RAB19: variants seen among roughly 807,000 people sequenced by gnomAD.
The protein encoded by RAB19 is RAB19, member RAS oncogene family.
In RAB19, 21 loss-of-function variants were observed where a neutral mutation model predicts 17.3. The ratio of observed to expected loss-of-function variants is 1.21; its 90% CI spans 0.86 to 1.74. The LOEUF (loss-of-function observed/expected upper bound fraction) is 1.74. RAB19 is among the 40% of genes most tolerant of loss of function. The pLI, the probability that RAB19 is intolerant of heterozygous loss-of-function variation, is 0.00. For synonymous variants in RAB19, 126 were observed against 110.4 expected (o/e 1.14, Z -0.88); for missense variants, 277 against 286.8 (o/e 0.97, Z 0.25).
intron 1 of RAB19, among the ~76,000 whole-genome samples, chr7:140,404,691 C>T (rs1251989256): frequency 6.6e-6 from 1 of 152,122 alleles, no homozygotes; most frequent in East Asian, 1.9e-4. Context: ...AAGGATGTCA[C>T]AAGGCAGGGG....
chr7:140,412,476 G>A (rs1316805878), intron 3 of RAB19, among the ~76,000 whole-genome samples: 1 of 151,780 alleles, frequency 6.6e-6, no homozygotes, highest in African/African-American at 2.4e-5. Flanking sequence ...TGTAAGTGAT[G>A]GATAGGGCCT....
At chr7:140,419,241 TGTATTTTTA>T (rs1232189772) in intron 3 of RAB19, among the ~76,000 whole-genome samples, 1 of 152,100 alleles carries the variant, frequency 6.6e-6, no homozygotes, top group East Asian at 1.9e-4. Flanking sequence ...AGCTAATTTT[TGTATTTTTA>T]GTACAGATGC....
chr7:140,415,588 A>G (rs985716365), intron 3 of RAB19, among the ~76,000 whole-genome samples: 2 of 152,200 alleles, frequency 1.3e-5, no homozygotes, highest in Non-Finnish European at 2.9e-5. Context: ...GGTCTGGGCC[A>G]ATGCCGCATG....
intron 3 of RAB19, among the ~76,000 whole-genome samples, chr7:140,419,982 C>A (rs907745180): frequency 1.3e-5 from 2 of 152,116 alleles, no homozygotes; most frequent in Non-Finnish European, 1.5e-5. Flanking sequence ...TGTTTGTTAT[C>A]TTTTTCTTGT....
chr7:140,424,586 CCT>C (rs376517516), intron 3 of RAB19, among the ~76,000 whole-genome samples: 1,957 of 127,492 alleles, frequency 0.015, 18 homozygotes, highest in South Asian at 0.039. Flanking sequence ...TGGACCTCTC[CCT>C]CTCTCTCTCT....
At position 140,407,531 on chromosome 7, in the gene RAB19, A is replaced by C. The variant is rs558353059; in HGVS notation, c.-23-93A>C. The C allele has an allele frequency of 1.0e-4, 85 of 845,926 alleles. No individual in the cohort carries two copies. In the South Asian group the frequency reaches 1.3e-3, roughly 13 times the overall value. The allele number at this position is 845,926 out of a possible 1,614,324, so 52.4% of individuals were successfully genotyped here. A position where few individuals can be genotyped will look rare whatever the true frequency, so the allele number is the denominator to read the frequency against. ...GCATCATTAGCATCGTCCTCTCACAAGGATGTAGCACTGTGAAGGTAATGA... is the reference window on the plus strand; with the variant it reads ...GCATCATTAGCATCGTCCTCTCACACGGATGTAGCACTGTGAAGGTAATGA... On this transcript the variant is annotated intron_variant, in intron 1 of 3. Coordinates refer to ENST00000537763, the MANE Select transcript of RAB19 (RefSeq NM_001008749.3).
intron 3 of RAB19, 127 bp downstream of exon 3, chr7:140,412,184 G>A: frequency 1.0e-6 from 1 of 985,146 alleles, no homozygotes; most frequent in Non-Finnish European, 1.5e-6. Context: ...GGGCACAGTG[G>A]CTCACACCTG....
chr7:140,406,364 G>A lies in RAB19; in HGVS notation c.-23-1260G>A, dbSNP rs373088224. On this transcript the variant is annotated intron_variant, in intron 1 of 3. Transcript: ENST00000537763. ...TTAGAAACCTTAATTTTCTGGCGGC[G>A]CGTGATGGCTCAGGCCTGTAATCCC... Among the ~76,000 whole-genome samples the A allele has an allele frequency of 1.3e-4, 19 of 151,906 alleles. No homozygotes were observed. In the East Asian group the frequency reaches 1.4e-3, roughly 11 times the overall value.
chr7:140,421,829 AACAG>A (rs1478588295), intron 3 of RAB19, among the ~76,000 whole-genome samples: 1 of 152,198 alleles, frequency 6.6e-6, no homozygotes, highest in African/African-American at 2.4e-5. Flanking sequence ...TATTGTGATG[AACAG>A]ACACTCTTAA....
At chr7:140,421,863 A>G (rs1346743428) in intron 3 of RAB19, among the ~76,000 whole-genome samples, 1 of 152,078 alleles carries the variant, frequency 6.6e-6, no homozygotes, top group Non-Finnish European at 1.5e-5. Context: ...ATTTCAATCT[A>G]TTGATCTTTT....
At position 140,407,865 on chromosome 7, in the gene RAB19, C is replaced by G. The variant is rs747655857; in HGVS notation, c.201+18C>G. 1.6e-5 allele frequency: 19 copies of G among 1,214,362 alleles called. No homozygotes were observed. The African/African-American group carries it at 3.0e-4, about 19-fold the overall frequency. 75.2% of individuals were successfully genotyped at this position (1,214,362 alleles called of 1,614,324 possible). On this transcript the variant is annotated intron_variant, in intron 2 of 3. Coordinates refer to ENST00000537763, the MANE Select transcript of RAB19 (RefSeq NM_001008749.3). ...AAGTGAAGGTCAGAGGGCACCGGGA[C>G]GGGACTGGTTCCACCTTTTTTTTTT...
chr7:140,409,565 C>T (rs965024731), intron 2 of RAB19, among the ~76,000 whole-genome samples: 1 of 151,994 alleles, frequency 6.6e-6, no homozygotes, highest in Non-Finnish European at 1.5e-5. Context: ...GGCGTGGTGG[C>T]ACATGCCTGT....
chr7:140,422,258 G>A (rs1393539577), intron 3 of RAB19, among the ~76,000 whole-genome samples: 3 of 152,052 alleles, frequency 2.0e-5, no homozygotes, highest in Non-Finnish European at 2.9e-5. Flanking sequence ...GCGTCGTGGT[G>A]GGTGCCTGTA....
chr7:140,425,791 T>C (rs996613503), intron 3 of RAB19, 91 bp from the exon 4 acceptor site: 13 of 1,371,824 alleles, frequency 9.5e-6, no homozygotes, highest in Admixed American at 4.4e-5. Flanking sequence ...TGCATGCCTA[T>C]TGAAGAACTA....
At chr7:140,409,232 C>T (rs906212905) in intron 2 of RAB19, among the ~76,000 whole-genome samples, 10 of 151,728 alleles carry the variant, frequency 6.6e-5, no homozygotes, top group South Asian at 4.2e-4. Context: ...GGCATGGTGG[C>T]GCGTGCCTGT....
At chr7:140,412,381 G>A (rs2130113613) in intron 3 of RAB19, among the ~76,000 whole-genome samples, 1 of 152,224 alleles carries the variant, frequency 6.6e-6, no homozygotes, top group African/African-American at 2.4e-5. Context: ...GAACCCAGGA[G>A]GCAGAGGTTG....
Position 140,411,908 on chromosome 7 carries a change from T to TCCGCACCATCACCCAAAGCTACTA in RAB19, c.242_265dup (p.Thr81_Arg88dup). On this transcript the variant is annotated inframe_insertion, in exon 3 of 4. Coordinates refer to ENST00000537763, the MANE Select transcript of RAB19 (RefSeq NM_001008749.3). ...TGGGACACAGCTGGCCAGGAGCGCT[T>TCCGCACCATCACCCAAAGCTACTA]CCGCACCATCACCCAAAGCTACTAC... The TCCGCACCATCACCCAAAGCTACTA allele has an allele frequency of 6.2e-7, 1 of 1,614,168 alleles. No homozygotes were observed. The highest frequency in any genetic ancestry group is 2.2e-5 in the East Asian group (1 of 44,866).
chr7:140,407,591 T>C (rs1439602436), intron 1 of RAB19, 33 bp from the exon 2 acceptor site: 2 of 1,548,232 alleles, frequency 1.3e-6, no homozygotes, highest in Non-Finnish European at 1.8e-6. Flanking sequence ...GGATCCCCAG[T>C]TCCTGGTGCT....
In RAB19 at chr7:140,407,880, CTTTTTTTTTTTTTT is replaced by C. The variant is rs71170993; in HGVS notation, c.201+46_201+59del. 4,210 of 639,614 alleles carry C rather than the reference CTTTTTTTTTTTTTT, an allele frequency of 6.6e-3. 96 individuals carry two copies. The Admixed American group carries it at 0.13, about 21-fold the overall frequency. 39.6% of individuals were successfully genotyped at this position (639,614 alleles called of 1,614,324 possible). Reference sequence around the variant, plus strand: ...GGCACCGGGACGGGACTGGTTCCACCTTTTTTTTTTTTTTTTTTTTTTTTTTCCTTGAGACGGAG... The same window carrying C: ...GGCACCGGGACGGGACTGGTTCCACCTTTTTTTTTTTTCCTTGAGACGGAG... On this transcript the variant is annotated intron_variant, in intron 2 of 3. Transcript: ENST00000537763.
Sources: gnomAD v4.1 joint callset for allele counts (sites outside exome capture counted in the v4.1 genomes callset) on GRCh38, gnomAD v4.1.1 for gene constraint, MANE v1.5 for transcripts, NCBI Gene and HGNC (gene_info 2026-07-23, HGNC 2026-07-21) for gene names.